The following ABI1 variants were observed in gnomAD, a reference collection of about 807,000 sequenced individuals.
The protein encoded by ABI1 is Abelson interactor 1.
In ABI1, 14 loss-of-function variants were observed where a neutral mutation model predicts 54.6. The observed-to-expected ratio is 0.26, with a 90% confidence interval of 0.17 to 0.40. The LOEUF is 0.40. ABI1 is among the 10% of genes least tolerant of loss of function. The pLI is 1.00. For synonymous variants in ABI1, 194 were observed against 209.3 expected, an observed-to-expected ratio of 0.93 and a Z score of 0.63; for missense variants, 443 against 598.3, an observed-to-expected ratio of 0.74 and a Z score of 2.71.
At chr10:26,799,013 A>T (rs1259031084) in intron 2 of ABI1, among the ~76,000 whole-genome samples, 1 of 152,210 alleles carries the variant, frequency 6.6e-6, no homozygotes, top group Non-Finnish European at 1.5e-5. Context: ...TGACATAAGT[A>T]GAAAACACAA....
chr10:26,818,712 T>C (rs1345288006), intron 2 of ABI1, among the ~76,000 whole-genome samples: 1 of 150,268 alleles, frequency 6.7e-6, no homozygotes, highest in Non-Finnish European at 1.5e-5. Context: ...AAGCCAGGCG[T>C]GGCGACTTAT....
At chr10:26,838,652 T>C (rs2049268236) in intron 1 of ABI1, among the ~76,000 whole-genome samples, 1 of 152,202 alleles carries the variant, frequency 6.6e-6, no homozygotes, top group African/African-American at 2.4e-5. Context: ...TCACTTCAGC[T>C]GCAGTTTTAT....
intron 9 of ABI1, among the ~76,000 whole-genome samples, chr10:26,753,365 TAGTTCATATCCTTA>T (rs1837875361): frequency 6.6e-6 from 1 of 152,222 alleles, no homozygotes; most frequent in Non-Finnish European, 1.5e-5. Flanking sequence ...CAAACAGCCA[TAGTTCATATCCTTA>T]ATTTGGCTTA....
At chr10:26,833,362 T>TGG (rs2048812396) in intron 1 of ABI1, among the ~76,000 whole-genome samples, 1 of 152,200 alleles carries the variant, frequency 6.6e-6, no homozygotes. Flanking sequence ...TCCCAATAAC[T>TGG]AGATAATTAG....
At chr10:26,840,387 T>C (rs1004284632) in intron 1 of ABI1, among the ~76,000 whole-genome samples, 9 of 152,232 alleles carry the variant, frequency 5.9e-5, no homozygotes, top group African/African-American at 1.9e-4. Flanking sequence ...ATGCTTCTTA[T>C]ACGGTCTGCA....
In ABI1 at chr10:26,802,549, A is replaced by G. The variant is rs550480471; in HGVS notation, c.285+20589T>C. Among the ~76,000 whole-genome samples the G allele has an allele frequency of 2.0e-5, 3 of 152,210 alleles. No homozygotes were observed. The South Asian group carries it at 6.2e-4, about 32-fold the overall frequency. On this transcript the variant is annotated intron_variant, in intron 2 of 10. Transcript: ENST00000376140. ...ACTTCCAATCAAAAACTAATACAAT[A>G]AATCAATGACAATCATTCACAGAGC...
At chr10:26,790,583 A>G (rs144174623) in intron 2 of ABI1, 121 of 152,234 alleles carry the variant, frequency 7.9e-4, no homozygotes, top group African/African-American at 2.8e-3. Context: ...ATCCTTGCAC[A>G]GGGGCCATGC....
chr10:26,808,005 T>C (rs547348902), intron 2 of ABI1, among the ~76,000 whole-genome samples: 14 of 152,190 alleles, frequency 9.2e-5, no homozygotes, highest in African/African-American at 3.4e-4. Flanking sequence ...GGCAGAAGAA[T>C]TGCTTGAACC....
In ABI1 at chr10:26,802,477, G is replaced by C. The variant is rs530550391; in HGVS notation, c.285+20661C>G. ...CAAAAACAGGCAATTGTTTGAGAGA[G>C]AGAAGGCAGTATCACAAATAATACA... On this transcript the variant is annotated intron_variant, in intron 2 of 10. Coordinates refer to ENST00000376140, the MANE Select transcript of ABI1 (RefSeq NM_001012750.3). 1.7e-4 allele frequency among the ~76,000 whole-genome samples: 26 copies of C among 152,302 alleles called. No homozygotes were observed. In the South Asian group the frequency reaches 3.7e-3, roughly 22 times the overall value.
chr10:26,855,076 T>TA (rs1365713911), intron 1 of ABI1, among the ~76,000 whole-genome samples: 1 of 152,140 alleles, frequency 6.6e-6, no homozygotes, highest in Non-Finnish European at 1.5e-5. Flanking sequence ...TTAGGGAGGC[T>TA]CAACCAGTAA....
chr10:26,775,044 C>T (rs1841209523), intron 3 of ABI1, among the ~76,000 whole-genome samples: 1 of 152,096 alleles, frequency 6.6e-6, no homozygotes, highest in African/African-American at 2.4e-5. Flanking sequence ...AGCAATGTCT[C>T]ACTATCCTCA....
chr10:26,758,151 G>T (rs1352725757), intron 8 of ABI1, among the ~76,000 whole-genome samples: 1 of 128,396 alleles, frequency 7.8e-6, no homozygotes, highest in Non-Finnish European at 1.7e-5. Flanking sequence ...TAAATAAAAA[G>T]AACTTAAAGC....
At chr10:26,784,223 T>C (rs1006935736) in intron 2 of ABI1, among the ~76,000 whole-genome samples, 3 of 152,214 alleles carry the variant, frequency 2.0e-5, no homozygotes, top group Non-Finnish European at 4.4e-5. Flanking sequence ...ATCATTCTCC[T>C]TAACTGCACA....
At chr10:26,846,613 G>T (rs932243234) in intron 1 of ABI1, among the ~76,000 whole-genome samples, 2 of 152,040 alleles carry the variant, frequency 1.3e-5, no homozygotes, top group African/African-American at 4.8e-5. Flanking sequence ...AAAGTGCTGG[G>T]ATTACAGGCA....
chr10:26,772,974 G>A (rs1435835084), intron 3 of ABI1, among the ~76,000 whole-genome samples: 1 of 151,892 alleles, frequency 6.6e-6, no homozygotes, highest in East Asian at 1.9e-4. Flanking sequence ...CTACTTGGAT[G>A]GCTGAGGAGG....
Position 26,768,984 on chromosome 10 carries a change from G to A in ABI1, c.587C>T (p.Thr196Ile). 6.2e-7 allele frequency: 1 copy of A among 1,608,838 alleles called. No homozygotes were observed. Among genetic ancestry groups the A allele is most frequent in the Non-Finnish European group, 8.5e-7 (1 of 1,177,542 alleles). The change falls in exon 6 of 11, where the codon ACT (threonine) becomes ATT (isoleucine). Residue 196 changes from threonine (T) to isoleucine (I), a missense_variant. Around this residue, in one of 2 missense-constraint regions of ABI1, gnomAD observed 394 missense variants for 484.8 expected, o/e 0.81. Transcript: ENST00000376140. ...AACAGGTTCCAGGGTTTTATAAGGA[G>A]TATTCCGTCTAAAGGAGCATAGTGG... ...MSGRGTLGRN[T>I]PYKTLEPVKP...
intron 2 of ABI1, among the ~76,000 whole-genome samples, chr10:26,794,792 G>A (rs1390598294): frequency 6.6e-6 from 1 of 151,996 alleles, no homozygotes; most frequent in African/African-American, 2.4e-5. Context: ...TATGAAACTA[G>A]AAAAAGCTTA....
intron 2 of ABI1, among the ~76,000 whole-genome samples, chr10:26,821,249 A>AAG (rs2047960542): frequency 6.6e-6 from 1 of 151,172 alleles, no homozygotes; most frequent in African/African-American, 2.4e-5. Flanking sequence ...CATCTAAAAA[A>AAG]AAAAAAAAAA....
chr10:26,833,193 T>C (rs576858818), intron 1 of ABI1, among the ~76,000 whole-genome samples: 17 of 152,206 alleles, frequency 1.1e-4, no homozygotes, highest in Non-Finnish European at 2.4e-4. Flanking sequence ...CAGTTGTGAC[T>C]GACAGGAATG....
Sources: gnomAD v4.1 joint callset for allele counts (sites outside exome capture counted in the v4.1 genomes callset) on GRCh38, gnomAD v4.1.1 for gene constraint, gnomAD v4.1.1 regional missense constraint, MANE v1.5 for transcripts, NCBI Gene and HGNC (gene_info 2026-07-23, HGNC 2026-07-21) for gene names.